GREB1L: variants seen among roughly 807,000 people sequenced by gnomAD.
The protein encoded by GREB1L is GREB1-like protein.
GREB1L carries 17 observed loss-of-function variants against 200.8 expected under a neutral mutation model. The observed-to-expected ratio is 0.08, with a 90% CI of 0.06 to 0.13. The LOEUF (loss-of-function observed/expected upper bound fraction) is 0.13. GREB1L is among the 10% of genes least tolerant of loss of function. The pLI is 1.00. For synonymous variants in GREB1L, 789 were observed against 893.0 expected (o/e 0.88, Z 2.08); for missense variants, 1,657 against 2,367.7 (o/e 0.70, Z 6.23).
At chr18:21,371,380 C>A (rs1431603456) in intron 2 of GREB1L, among the ~76,000 whole-genome samples, 1 of 151,986 alleles carries the variant, frequency 6.6e-6, no homozygotes, top group Non-Finnish European at 1.5e-5. Flanking sequence ...AAACAAGGCT[C>A]CAGAATCTAC....
chr18:21,493,469 T>C (rs1188007779), intron 19 of GREB1L, among the ~76,000 whole-genome samples: 1 of 152,206 alleles, frequency 6.6e-6, no homozygotes, highest in Admixed American at 6.5e-5. Flanking sequence ...CAGCCATCAG[T>C]CATCAGAAGG....
At chr18:21,250,395 G>T (rs2037683630) in intron 1 of GREB1L, among the ~76,000 whole-genome samples, 1 of 152,116 alleles carries the variant, frequency 6.6e-6, no homozygotes, top group South Asian at 2.1e-4. Context: ...CCACTAATAA[G>T]AATTTCTAGG....
At chr18:21,333,236 G>A (rs748138981) in intron 1 of GREB1L, among the ~76,000 whole-genome samples, 1 of 152,016 alleles carries the variant, frequency 6.6e-6, no homozygotes, top group Non-Finnish European at 1.5e-5. Flanking sequence ...GCATGCACTG[G>A]GTTCATTTAT....
At chr18:21,367,707 G>A (rs2039727394) in intron 2 of GREB1L, among the ~76,000 whole-genome samples, 1 of 152,164 alleles carries the variant, frequency 6.6e-6, no homozygotes, top group Admixed American at 6.6e-5. Context: ...TGATAGAAAG[G>A]GCTGTCAGTT....
intron 1 of GREB1L, among the ~76,000 whole-genome samples, chr18:21,352,144 C>A (rs1453057290): frequency 1.3e-5 from 2 of 152,084 alleles, no homozygotes; most frequent in East Asian, 3.9e-4. Context: ...CCACGCCCAG[C>A]CATGCAAGCT....
rs1309486013 is a variant in GREB1L at position 21,505,828 on chromosome 18, A to T, written c.4247A>T (p.Lys1416Ile). 1 of 1,551,668 alleles carries T rather than the reference A, an allele frequency of 6.4e-7. No homozygotes were observed. Among genetic ancestry groups the T allele is most frequent in the Non-Finnish European group, 8.7e-7 (1 of 1,146,932 alleles). ...GVKQEVIKES[K>I]VEEPRKRETV... ...TACACAGAAGTGATAAAGGAATCCAAAGTTGAAGAGCCCAGGAAACGGGAA... is the reference window on the plus strand; with the variant it reads ...TACACAGAAGTGATAAAGGAATCCATAGTTGAAGAGCCCAGGAAACGGGAA... The change falls in exon 25 of 33, where the codon AAA becomes ATA. Residue 1416 changes from lysine (K) to isoleucine (I), a missense_variant. By Grantham distance (102) the Lys-to-Ile change is moderately radical. Coordinates refer to ENST00000424526, the MANE Select transcript of GREB1L (RefSeq NM_001142966.3).
At chr18:21,260,990 TACTG>T (rs552042955) in intron 1 of GREB1L, among the ~76,000 whole-genome samples, 1 of 151,992 alleles carries the variant, frequency 6.6e-6, no homozygotes, top group Non-Finnish European at 1.5e-5. Context: ...TCTAGTATGA[TACTG>T]AGTATTATTT....
At chr18:21,443,474 G>T (rs914549016) in intron 10 of GREB1L, among the ~76,000 whole-genome samples, 1 of 151,824 alleles carries the variant, frequency 6.6e-6, no homozygotes, top group Non-Finnish European at 1.5e-5. Flanking sequence ...CCCAAAGTGC[G>T]GGGATTATAG....
intron 31 of GREB1L, among the ~76,000 whole-genome samples, chr18:21,519,923 CTTT>C (rs796146497): frequency 1.4e-5 from 2 of 143,810 alleles, no homozygotes; most frequent in African/African-American, 5.1e-5. Flanking sequence ...CATGCACTGT[CTTT>C]TTTTTTTTTT....
At chr18:21,366,582 A>G (rs2039687259) in intron 2 of GREB1L, among the ~76,000 whole-genome samples, 1 of 151,548 alleles carries the variant, frequency 6.6e-6, no homozygotes, top group South Asian at 2.1e-4. Flanking sequence ...CTATTTTAGG[A>G]GGCTTTTAAT....
intron 1 of GREB1L, among the ~76,000 whole-genome samples, chr18:21,335,367 A>G (rs2039168559): frequency 6.6e-6 from 1 of 152,198 alleles, no homozygotes; most frequent in Admixed American, 6.5e-5. Context: ...AATAATGTTA[A>G]AACAATTTGT....
intron 1 of GREB1L, among the ~76,000 whole-genome samples, chr18:21,271,728 A>C (rs1303975352): frequency 6.6e-6 from 1 of 151,850 alleles, no homozygotes; most frequent in Non-Finnish European, 1.5e-5. Flanking sequence ...GTTGCTGTTT[A>C]AGTTAAGTAG....
Position 21,291,107 on chromosome 18 carries a change from G to A in GREB1L, c.-120+48714G>A, listed in dbSNP as rs1319872000. The stretch of plus-strand genomic sequence containing the variant: ...GGCCAATATTCTATCATGTTCTTCA[G>A]CCAGGTGATCACACATCACAATCTG... On this transcript the variant is annotated intron_variant, in intron 1 of 32. Coordinates refer to ENST00000424526, the MANE Select transcript of GREB1L (RefSeq NM_001142966.3). Among the ~76,000 whole-genome samples, 4 of 152,030 alleles carry A rather than the reference G, an allele frequency of 2.6e-5. No individual in the cohort carries two copies. The South Asian group carries it at 6.2e-4, about 24-fold the overall frequency.
intron 21 of GREB1L, among the ~76,000 whole-genome samples, chr18:21,499,084 G>A (rs1025476144): frequency 5.9e-5 from 9 of 152,286 alleles, no homozygotes; most frequent in Admixed American, 2.0e-4. Flanking sequence ...GTCCCACTTC[G>A]CGCAGGGCAT....
chr18:21,357,191 A>G (rs894175224), intron 1 of GREB1L, among the ~76,000 whole-genome samples: 11 of 152,100 alleles, frequency 7.2e-5, no homozygotes, highest in African/African-American at 2.7e-4. Context: ...AGTAGCTGGG[A>G]CTACAGGTGC....
intron 1 of GREB1L, among the ~76,000 whole-genome samples, chr18:21,313,565 T>C (rs2144824235): frequency 6.6e-6 from 1 of 152,292 alleles, no homozygotes; most frequent in East Asian, 1.9e-4. Context: ...ATGCAGAATC[T>C]TCTCTTTCAC....
intron 1 of GREB1L, among the ~76,000 whole-genome samples, chr18:21,321,101 C>G (rs2038944525): frequency 6.6e-6 from 1 of 151,852 alleles, no homozygotes; most frequent in African/African-American, 2.4e-5. Flanking sequence ...CAAGCCCAGC[C>G]TGGCCAACAT....
chr18:21,257,809 ATAATT>A (rs1347699013), intron 1 of GREB1L, among the ~76,000 whole-genome samples: 1 of 152,244 alleles, frequency 6.6e-6, no homozygotes, highest in Non-Finnish European at 1.5e-5. Flanking sequence ...GCAGAAATTA[ATAATT>A]TAATTCAACA....
In GREB1L at chr18:21,515,404, CTA is replaced by C. The variant is rs762473835; in HGVS notation, c.4902-9_4902-8del. 6.6e-7 allele frequency: 1 copy of C among 1,512,630 alleles called. No homozygotes were observed. Among genetic ancestry groups the C allele is most frequent in the South Asian group, 1.2e-5 (1 of 83,272 alleles). The allele number at this position is 1,512,630 out of a possible 1,614,324, so 93.7% of individuals were successfully genotyped here. On this transcript the variant is annotated splice_polypyrimidine_tract_variant and intron_variant, in intron 28 of 32. Coordinates refer to ENST00000424526, the MANE Select transcript of GREB1L (RefSeq NM_001142966.3). Reference sequence around the variant, plus strand: ...AATATTTATCAACATCTTATATAAACTATATTTCATAGCCAGCCCATGGAAGT... The same window carrying C: ...AATATTTATCAACATCTTATATAAACTATTTCATAGCCAGCCCATGGAAGT...
Sources: allele counts gnomAD v4.1 joint callset (sites outside exome capture counted in the v4.1 genomes callset), GRCh38; gene constraint gnomAD v4.1.1; transcripts MANE v1.5; gene names NCBI Gene and HGNC (gene_info 2026-07-23, HGNC 2026-07-21).